ITPRID1: variants seen among roughly 807,000 people sequenced by gnomAD.
ITPRID1 encodes the protein ITPR interacting domain containing 1.
A neutral mutation model predicts 95.4 loss-of-function variants in ITPRID1; 96 were observed. The observed-to-expected ratio is 1.01, with a 90% confidence interval of 0.85 to 1.19. ITPRID1 has a LOEUF of 1.19. Ranked by LOEUF, ITPRID1 falls within the 50% of genes most tolerant of loss-of-function variation. The pLI, the probability that ITPRID1 is intolerant of heterozygous loss-of-function variation, is 0.00. For synonymous variants in ITPRID1, 510 were observed against 453.6 expected (o/e 1.12, Z -1.58); for missense variants, 1,339 against 1,252.9 (o/e 1.07, Z -1.04).
rs146143323 is a variant in ITPRID1 at position 31,575,074 on chromosome 7, G to A, written c.598+332G>A. On this transcript the variant is annotated intron_variant, in intron 8 of 14. Coordinates refer to ENST00000615280, the MANE Select transcript of ITPRID1 (RefSeq NM_001257967.3). Reference sequence around the variant, plus strand: ...CCTCTGCTCCTAACTTACACACAGCGGGTCTTGTTCACATTTCATTGGCCA... The same window carrying A: ...CCTCTGCTCCTAACTTACACACAGCAGGTCTTGTTCACATTTCATTGGCCA... 2.7e-3 allele frequency among the ~76,000 whole-genome samples: 404 copies of A among 152,222 alleles called. 2 individuals carry two copies. Among genetic ancestry groups the A allele is most frequent in the African/African-American group, 9.2e-3 (381 of 41,534 alleles).
At chr7:31,605,093 G>A (rs1302317798) in intron 10 of ITPRID1, among the ~76,000 whole-genome samples, 3 of 151,690 alleles carry the variant, frequency 2.0e-5, no homozygotes, top group Non-Finnish European at 4.4e-5. Context: ...AACCGAAATC[G>A]TGCCACTGCA....
chr7:31,571,661 TAG>T (rs1242646053), intron 6 of ITPRID1, among the ~76,000 whole-genome samples: 1 of 152,224 alleles, frequency 6.6e-6, no homozygotes, highest in Non-Finnish European at 1.5e-5. Flanking sequence ...AGACAGCACT[TAG>T]AGAGTGTTAG....
intron 13 of ITPRID1, 90 bp from the exon 14 acceptor site, chr7:31,651,849 A>G: frequency 2.4e-6 from 2 of 842,568 alleles, no homozygotes; most frequent in South Asian, 3.5e-5. Flanking sequence ...AAGAAATTGC[A>G]AAGGAAGAAC....
intron 10 of ITPRID1, among the ~76,000 whole-genome samples, chr7:31,631,796 G>C (rs574012398): frequency 3.0e-4 from 45 of 152,332 alleles, no homozygotes; most frequent in Non-Finnish European, 5.9e-4. Context: ...ATAGGATAGA[G>C]ACTCTTCTGC....
intron 10 of ITPRID1, among the ~76,000 whole-genome samples, chr7:31,611,706 G>A (rs1786877102): frequency 6.6e-6 from 1 of 151,874 alleles, no homozygotes; most frequent in Admixed American, 6.6e-5. Flanking sequence ...AGGTTGCATG[G>A]TTTCTGCTAA....
intron 2 of ITPRID1, among the ~76,000 whole-genome samples, chr7:31,550,464 C>T (rs975408231): frequency 7.9e-5 from 12 of 152,204 alleles, no homozygotes; most frequent in Admixed American, 5.9e-4. Context: ...TGCAGGCAGT[C>T]ACATGCCATA....
chr7:31,607,319 T>C (rs954855109), intron 10 of ITPRID1, among the ~76,000 whole-genome samples: 1 of 152,192 alleles, frequency 6.6e-6, no homozygotes, highest in Non-Finnish European at 1.5e-5. Context: ...TCTTGACTGA[T>C]GCTTTCGCTT....
intron 10 of ITPRID1, among the ~76,000 whole-genome samples, chr7:31,594,221 GCAGTGGAC>G (rs1785982370): frequency 6.6e-6 from 1 of 152,194 alleles, no homozygotes; most frequent in Admixed American, 6.5e-5. Flanking sequence ...ACCTAGGTGT[GCAGTGGAC>G]CATACTTTCT....
intron 1 of ITPRID1, among the ~76,000 whole-genome samples, chr7:31,538,873 T>C (rs904179488): frequency 1.2e-4 from 18 of 152,236 alleles, no homozygotes; most frequent in Non-Finnish European, 2.1e-4. Flanking sequence ...GCTATCTTGA[T>C]ATCCTATTCC....
rs59758277 is a variant in ITPRID1 at position 31,639,162 on chromosome 7, T to C, written c.1229-3014T>C. ...TGTTGGACTTTGTGAAACAAACTTT[T>C]CTTTGAAACATTTCTTCAAAAGCTT... is the stretch of plus-strand genomic sequence containing the variant. On this transcript the variant is annotated intron_variant, in intron 10 of 14. Coordinates refer to ENST00000615280, the MANE Select transcript of ITPRID1 (RefSeq NM_001257967.3). Among the ~76,000 whole-genome samples, 139 of 152,354 alleles carry C rather than the reference T, an allele frequency of 9.1e-4. 1 individual carries two copies. Among genetic ancestry groups the C allele is most frequent in the African/African-American group, 3.2e-3 (134 of 41,590 alleles).
intron 5 of ITPRID1, among the ~76,000 whole-genome samples, chr7:31,555,933 T>G (rs767759083): frequency 6.6e-6 from 1 of 152,206 alleles, no homozygotes; most frequent in Non-Finnish European, 1.5e-5. Context: ...TGCCAAATAC[T>G]GTAAAGATTT....
intron 10 of ITPRID1, among the ~76,000 whole-genome samples, chr7:31,608,800 A>G (rs551815582): frequency 1.3e-5 from 2 of 151,792 alleles, no homozygotes; most frequent in South Asian, 4.1e-4. Context: ...AAGTAGAGAT[A>G]GTTTTACTTC....
chr7:31,653,988 T>C lies in ITPRID1; in HGVS notation c.*1159T>C, dbSNP rs117844415. The stretch of plus-strand genomic sequence containing the variant: ...TGTGTGCAGGCTACTATTCTAGTGC[T>C]GGAGACAGCCATAAATAAGACAGAT... On this transcript the variant is annotated 3_prime_UTR_variant, in exon 15 of 15. Coordinates refer to ENST00000615280, the MANE Select transcript of ITPRID1 (RefSeq NM_001257967.3). Among the ~76,000 whole-genome samples the C allele has an allele frequency of 0.014, 2,044 of 146,224 alleles. 30 individuals carry two copies. The highest frequency in any genetic ancestry group is 0.021 in the Non-Finnish European group (1,446 of 67,334).
At chr7:31,636,209 G>A (rs1197733933) in intron 10 of ITPRID1, among the ~76,000 whole-genome samples, 16 of 152,104 alleles carry the variant, frequency 1.1e-4, no homozygotes, top group Admixed American at 1.0e-3. Context: ...TGGGGATTAT[G>A]GGAACTACAA....
chr7:31,540,051 T>A (rs1783884038), intron 1 of ITPRID1, among the ~76,000 whole-genome samples: 1 of 152,188 alleles, frequency 6.6e-6, no homozygotes, highest in Non-Finnish European at 1.5e-5. Flanking sequence ...CAAATGGTGA[T>A]GCTCCTGCTC....
At chr7:31,646,244 A>G (rs1179979244) in intron 12 of ITPRID1, among the ~76,000 whole-genome samples, 2 of 152,230 alleles carry the variant, frequency 1.3e-5, no homozygotes, top group Non-Finnish European at 2.9e-5. Flanking sequence ...CACAGCACCC[A>G]GAGAGCATGA....
At chr7:31,550,652 G>T (rs1019804512) in intron 2 of ITPRID1, among the ~76,000 whole-genome samples, 3 of 144,866 alleles carry the variant, frequency 2.1e-5, no homozygotes, top group African/African-American at 7.3e-5. Context: ...CACTAAAACA[G>T]GGGGAACAAA....
Position 31,642,258 on chromosome 7 carries a change from G to T in ITPRID1, c.1311G>T (p.Gln437His), listed in dbSNP as rs768210647. 2 of 1,547,208 alleles carry T rather than the reference G, an allele frequency of 1.3e-6. No homozygotes were observed. The highest frequency in any genetic ancestry group is 1.2e-5 in the South Asian group (1 of 83,792). Residue 437 changes from glutamine to histidine, a missense_variant and splice_region_variant, in exon 11 of 15, where the codon CAG (glutamine) becomes CAT (histidine). Transcript: ENST00000615280. ...LEEPLEPLPL[Q>H]MPSLPNSQSP... ...AGCCGCTGGAACCGCTGCCCCTCCA[G>T]GTAGGAGGGTTTGGAACAGGGCCCT... is the stretch of plus-strand genomic sequence containing the variant.
intron 5 of ITPRID1, among the ~76,000 whole-genome samples, chr7:31,568,708 C>T (rs145721782): frequency 2.6e-4 from 39 of 152,284 alleles, no homozygotes; most frequent in African/African-American, 7.7e-4. Context: ...TCTTCAGCAC[C>T]GCTATCAGGC....
Sources: allele counts gnomAD v4.1 joint callset (sites outside exome capture counted in the v4.1 genomes callset), GRCh38; gene constraint gnomAD v4.1.1; transcripts MANE v1.5; gene names NCBI Gene and HGNC (gene_info 2026-07-23, HGNC 2026-07-21).